INTS6: variants seen among roughly 807,000 people sequenced by gnomAD.
The protein encoded by INTS6 is integrator complex subunit 6.
Under a neutral mutation model 104.9 loss-of-function variants are expected in INTS6, and 16 were observed. The observed-to-expected ratio is 0.15, with a 90% confidence interval of 0.10 to 0.23. The LOEUF is 0.23. Ranked by LOEUF, INTS6 falls within the 10% of genes least tolerant of loss-of-function variation. INTS6 has a pLI of 1.00. For missense variants in INTS6, 584 were observed against 1,062.8 expected, an observed-to-expected ratio of 0.55 and a Z score of 6.26; for synonymous variants, 324 against 358.7, an observed-to-expected ratio of 0.90 and a Z score of 1.09.
downstream of INTS6, chr13:51,361,318 C>T: frequency 2.5e-6 from 4 of 1,610,254 alleles, no homozygotes; most frequent in Non-Finnish European, 3.4e-6. Flanking sequence ...TCCACAAGGC[C>T]AAGATTGAAG....
intron 5 of INTS6, 36 bp from the exon 6 acceptor site, chr13:51,389,480 A>G: frequency 1.3e-6 from 2 of 1,554,702 alleles, no homozygotes; most frequent in Non-Finnish European, 8.6e-7. Context: ...GAAGAAGAAG[A>G]ATATAGTAAA....
In INTS6 at chr13:51,378,330, A is replaced by T. The variant is rs1371929661; in HGVS notation, c.1511T>A (p.Leu504His). 1.2e-6 allele frequency: 2 copies of T among 1,613,334 alleles called. No homozygotes were observed. The highest frequency in any genetic ancestry group is 2.7e-5 in the African/African-American group (2 of 74,884). ...SMAYRKDFQQ[L>H]LQGISEDVPH... ...GACATCCTCTGAAATTCCCTGGAGG[A>T]GTTGTTGAAAATCTTTCCTATATGC... is the stretch of plus-strand genomic sequence containing the variant. The change falls in exon 12 of 18, where the codon CTC becomes CAC. Residue 504 changes from leucine to histidine, a missense_variant. Physicochemically the swap from Leu to His is moderately conservative, Grantham distance 99. Around this residue, in one of 5 missense-constraint regions of INTS6, gnomAD observed 74 missense variants for 64.4 expected, o/e 1.15. Transcript: ENST00000311234.
chr13:51,398,207 T>C (rs74084842), intron 4 of INTS6, among the ~76,000 whole-genome samples: 1,685 of 152,208 alleles, frequency 0.011, 33 homozygotes, highest in African/African-American at 0.038. Flanking sequence ...CTCAGGAGGA[T>C]TGACTTACTC....
At position 51,355,177 on chromosome 13, in the gene INTS6, G is replaced by A. The variant is rs376288313; in HGVS notation, n.431-841C>T. The A allele has an allele frequency of 2.2e-4, 221 of 1,022,912 alleles. 1 individual carries two copies. In the Admixed American group the frequency reaches 4.2e-3, roughly 19 times the overall value. 63.4% of individuals were successfully genotyped at this position (1,022,912 alleles called of 1,614,324 possible). A position where few individuals can be genotyped will look rare whatever the true frequency, so the allele number is the denominator to read the frequency against. ...GGTTCTTCTTCCAAACGTTCTAGCC[G>A]TGTATTTGGGGCAGTTTTATCATAC... On this transcript the variant is annotated intron_variant and non_coding_transcript_variant, in intron 3 of 3. Transcript: ENST00000476666.
chr13:51,367,823 A>G lies in INTS6; in HGVS notation c.2552T>C (p.Val851Ala), dbSNP rs1955722445. Reference protein sequence around the residue: ...LQTRLIFLQNVIKEASRFKKR... With the variant: ...LQTRLIFLQNAIKEASRFKKR... ...TATTTACCTTGATGCTTCTTTAATG[A>G]CATTTTGTAAAAATATTAGTCTTGT... Residue 851 changes from valine to alanine, a missense_variant, in exon 17 of 18, where the codon GTC becomes GCC. Val to Ala is a moderately conservative substitution (Grantham distance 64, BLOSUM62 0). Around this residue, in one of 5 missense-constraint regions of INTS6, gnomAD observed 296 missense variants for 437.0 expected, o/e 0.68. Coordinates refer to ENST00000311234, the MANE Select transcript of INTS6 (RefSeq NM_012141.3). 3.8e-6 allele frequency: 6 copies of G among 1,581,772 alleles called. No homozygotes were observed. Among genetic ancestry groups the G allele is most frequent in the Non-Finnish European group, 5.2e-6 (6 of 1,159,242 alleles).
intron 3 of INTS6, chr13:51,355,237 T>G (rs1566195165): frequency 1.9e-5 from 10 of 514,378 alleles, no homozygotes; most frequent in Non-Finnish European, 2.4e-5. Flanking sequence ...GAGTCAACAT[T>G]ATGTAAAAGA....
chr13:51,450,445 CA>C (rs1473232139), intron 3 of INTS6: 3 of 985,178 alleles, frequency 3.0e-6, no homozygotes, highest in African/African-American at 3.5e-5. Flanking sequence ...GAGTTTAAAT[CA>C]AAACTCTGGG....
intron 3 of INTS6, chr13:51,450,101 T>C: frequency 2.0e-6 from 2 of 985,284 alleles, no homozygotes; most frequent in Non-Finnish European, 2.4e-6. Flanking sequence ...CTCACAAAAC[T>C]AGGGACTGTG....
the INTS6 span, among the ~76,000 whole-genome samples, chr13:51,337,644 G>T: frequency 6.6e-6 from 1 of 152,174 alleles, no homozygotes; most frequent in Non-Finnish European, 1.5e-5. Flanking sequence ...CCTTAGGCAA[G>T]ATCTTAAGCT....
At chr13:51,334,857 C>A in the INTS6 span, among the ~76,000 whole-genome samples, 1 of 151,892 alleles carries the variant, frequency 6.6e-6, no homozygotes, top group South Asian at 2.1e-4. Context: ...GTGGCAGGCA[C>A]CTGTAATCCC....
rs536974178 is a variant in INTS6 at position 51,363,552 on chromosome 13, C to A, written c.*2200G>T. ...TCAAGATTAAACTTTCCAAGAATAT[C>A]ATTTGTCGAGCCTTAAGTCATTCAG... On this transcript the variant is annotated 3_prime_UTR_variant, in exon 18 of 18. Coordinates refer to ENST00000311234, the MANE Select transcript of INTS6 (RefSeq NM_012141.3). 4 of 151,994 alleles carry A rather than the reference C, an allele frequency of 2.6e-5. No homozygotes were observed. The highest frequency in any genetic ancestry group is 9.6e-5 in the African/African-American group (4 of 41,494). The allele number at this position is 151,994 out of a possible 1,614,324, so 9.4% of individuals were successfully genotyped here. A position where few individuals can be genotyped will look rare whatever the true frequency, so the allele number is the denominator to read the frequency against.
chr13:51,376,500 G>T (rs1955933236), intron 12 of INTS6, among the ~76,000 whole-genome samples: 2 of 152,004 alleles, frequency 1.3e-5, no homozygotes, highest in Admixed American at 6.6e-5. Context: ...AAACAGCTTT[G>T]ATGTGTAATT....
At chr13:51,377,758 C>T (rs1241092688) in intron 12 of INTS6, among the ~76,000 whole-genome samples, 1 of 152,090 alleles carries the variant, frequency 6.6e-6, no homozygotes, top group Admixed American at 6.6e-5. Flanking sequence ...TATAAGTCTT[C>T]CAACTTTATT....
At chr13:51,359,352 T>C (rs934098524), downstream of INTS6, among the ~76,000 whole-genome samples, 1 of 152,136 alleles carries the variant, frequency 6.6e-6, no homozygotes, top group African/African-American at 2.4e-5. Flanking sequence ...TTATCGCATA[T>C]GTTGGTCTTT....
chr13:51,427,637 A>G (rs1225288624), intron 4 of INTS6, among the ~76,000 whole-genome samples: 1 of 152,168 alleles, frequency 6.6e-6, no homozygotes, highest in Non-Finnish European at 1.5e-5. Flanking sequence ...GAAACAACTC[A>G]CCGGCCTATG....
Position 51,364,505 on chromosome 13 carries a change from C to T in INTS6, c.*1247G>A, listed in dbSNP as rs1955647732. 4.5e-6 allele frequency: 2 copies of T among 439,852 alleles called. No individual in the cohort carries two copies. Among genetic ancestry groups the T allele is most frequent in the Non-Finnish European group, 8.0e-6 (2 of 248,668 alleles). 27.2% of individuals were successfully genotyped at this position (439,852 alleles called of 1,614,324 possible). A position where few individuals can be genotyped will look rare whatever the true frequency, so the allele number is the denominator to read the frequency against. ...TTGACCTTCTTTTCTACTGCTTACC[C>T]CCCAAACCACTAAAAGGCACAGCAG... On this transcript the variant is annotated 3_prime_UTR_variant, in exon 18 of 18. Coordinates refer to ENST00000311234, the MANE Select transcript of INTS6 (RefSeq NM_012141.3).
At chr13:51,417,714 C>T (rs191095917) in intron 4 of INTS6, among the ~76,000 whole-genome samples, 122 of 152,226 alleles carry the variant, frequency 8.0e-4, no homozygotes, top group African/African-American at 2.8e-3. Context: ...GCCTTGGCCT[C>T]CCAAAGTGCT....
At chr13:51,344,571 T>G in the INTS6 span, 1 of 1,054,332 alleles carries the variant, frequency 9.5e-7, no homozygotes, top group Non-Finnish European at 1.4e-6. Flanking sequence ...GAGGCCATGG[T>G]GCTCAGGCCA....
intron 5 of INTS6, among the ~76,000 whole-genome samples, chr13:51,390,952 T>C (rs990045848): frequency 6.6e-6 from 1 of 152,114 alleles, no homozygotes; most frequent in Non-Finnish European, 1.5e-5. Flanking sequence ...CTAACTAACT[T>C]TTCCAAGTTA....
Sources: allele counts gnomAD v4.1 joint callset (sites outside exome capture counted in the v4.1 genomes callset), GRCh38; gene constraint gnomAD v4.1.1; regional missense constraint gnomAD v4.1.1; transcripts MANE v1.5; gene names NCBI Gene and HGNC (gene_info 2026-07-23, HGNC 2026-07-21).